Variants in BCL2L1 observed in about 807,000 individuals in gnomAD.
The protein encoded by BCL2L1 is BCL2 like 1.
BCL2L1 carries 1 observed loss-of-function variant against 18.7 expected under a neutral mutation model. The ratio of observed to expected loss-of-function variants is 0.05; its 90% CI spans 0.02 to 0.25. BCL2L1 has a LOEUF of 0.25. BCL2L1 is among the 10% of genes least tolerant of loss of function. The pLI is 1.00. For synonymous variants in BCL2L1, 103 were observed against 122.7 expected (o/e 0.84, Z 1.06); for missense variants, 207 against 304.9 (o/e 0.68, Z 2.39).
At chr20:31,674,896 G>A (rs940881265) in intron 2 of BCL2L1, among the ~76,000 whole-genome samples, 2 of 151,216 alleles carry the variant, frequency 1.3e-5, no homozygotes, top group Non-Finnish European at 2.9e-5. Flanking sequence ...AAAAAAAAGG[G>A]AAGCCATTTT....
intron 2 of BCL2L1, among the ~76,000 whole-genome samples, chr20:31,700,914 C>T (rs531967179): frequency 2.6e-5 from 4 of 152,202 alleles, no homozygotes; most frequent in African/African-American, 7.2e-5. Flanking sequence ...CTAGGCTCCT[C>T]CCTGCTGGAC....
intron 2 of BCL2L1, among the ~76,000 whole-genome samples, chr20:31,709,326 T>C (rs764972032): frequency 1.3e-5 from 2 of 152,130 alleles, no homozygotes; most frequent in Non-Finnish European, 2.9e-5. Context: ...CGTGTGTGTG[T>C]GTGCGCGCGT....
At chr20:31,718,776 C>T (rs933164154) in intron 2 of BCL2L1, among the ~76,000 whole-genome samples, 1 of 152,236 alleles carries the variant, frequency 6.6e-6, no homozygotes, top group Admixed American at 6.5e-5. Flanking sequence ...TACCAACACG[C>T]CTCTGGGAAC....
At chr20:31,699,561 C>G (rs1164202238) in intron 2 of BCL2L1, among the ~76,000 whole-genome samples, 1 of 152,186 alleles carries the variant, frequency 6.6e-6, no homozygotes, top group Non-Finnish European at 1.5e-5. Flanking sequence ...ACCCTCAAAC[C>G]AAGATGCTTC....
chr20:31,670,797 G>A (rs1182504320), intron 2 of BCL2L1, among the ~76,000 whole-genome samples: 1 of 152,162 alleles, frequency 6.6e-6, no homozygotes, highest in Admixed American at 6.5e-5. Flanking sequence ...AGAGGCGGTG[G>A]CGTGGGTATA....
Position 31,665,656 on chromosome 20 carries a change from G to T in BCL2L1, c.*293C>A, listed in dbSNP as rs1441336995. ...GGTAAGGGTTGCACCAATCAGGTAGGGCCCTCCTGCCCCCAGCCACAAACC... is the reference window on the plus strand; with the variant it reads ...GGTAAGGGTTGCACCAATCAGGTAGTGCCCTCCTGCCCCCAGCCACAAACC... On this transcript the variant is annotated 3_prime_UTR_variant, in exon 3 of 3. Coordinates refer to ENST00000307677, the MANE Select transcript of BCL2L1 (RefSeq NM_138578.3). 2.2e-6 allele frequency: 1 copy of T among 464,632 alleles called. No homozygotes were observed. Among genetic ancestry groups the T allele is most frequent in the Non-Finnish European group, 3.9e-6 (1 of 258,534 alleles). The allele number at this position is 464,632 out of a possible 1,614,324, so 28.8% of individuals were successfully genotyped here. A position where few individuals can be genotyped will look rare whatever the true frequency, so the allele number is the denominator to read the frequency against.
chr20:31,705,269 A>G (rs2061353929), intron 2 of BCL2L1, among the ~76,000 whole-genome samples: 1 of 152,232 alleles, frequency 6.6e-6, no homozygotes, highest in Non-Finnish European at 1.5e-5. Flanking sequence ...TCATTGTTAA[A>G]TATTACTAAA....
chr20:31,666,193 G>T, intron 2 of BCL2L1, 107 bp from the exon 3 acceptor site: 1 of 1,415,280 alleles, frequency 7.1e-7, no homozygotes, highest in Non-Finnish European at 9.7e-7. Context: ...GTGAAAAACT[G>T]TAGCCATCTG....
At chr20:31,668,854 C>T (rs2060625973) in intron 2 of BCL2L1, among the ~76,000 whole-genome samples, 2 of 151,712 alleles carry the variant, frequency 1.3e-5, no homozygotes, top group Non-Finnish European at 2.9e-5. Context: ...ATCTGCTCAC[C>T]TCGGCCTCCC....
intron 2 of BCL2L1, among the ~76,000 whole-genome samples, chr20:31,669,124 T>C (rs2060629695): frequency 6.6e-6 from 1 of 152,220 alleles, no homozygotes; most frequent in Middle Eastern, 3.4e-3. Context: ...GGCGCAATCA[T>C]GGCTCACTGC....
At chr20:31,697,093 G>A (rs1170735150) in intron 2 of BCL2L1, among the ~76,000 whole-genome samples, 5 of 150,686 alleles carry the variant, frequency 3.3e-5, no homozygotes, top group African/African-American at 1.2e-4. Context: ...ATGATGGCAT[G>A]TGCCTATATT....
chr20:31,690,399 ACTTATT>A (rs2061042909), intron 2 of BCL2L1, among the ~76,000 whole-genome samples: 1 of 152,038 alleles, frequency 6.6e-6, no homozygotes, highest in Non-Finnish European at 1.5e-5. Flanking sequence ...CCAATTTTAA[ACTTATT>A]CTTATGATAA....
chr20:31,693,739 T>C (rs895745270), intron 2 of BCL2L1, among the ~76,000 whole-genome samples: 1 of 152,094 alleles, frequency 6.6e-6, no homozygotes, highest in Non-Finnish European at 1.5e-5. Flanking sequence ...TCTCACTATG[T>C]TGCCCAGGCT....
At chr20:31,673,490 A>T (rs886383801) in intron 2 of BCL2L1, among the ~76,000 whole-genome samples, 10 of 92,854 alleles carry the variant, frequency 1.1e-4, no homozygotes, top group East Asian at 2.1e-4. Flanking sequence ...CAAAAAAATT[A>T]AAAAAAAAAA....
intron 2 of BCL2L1, chr20:31,720,968 T>TG (rs1275706510): frequency 2.0e-6 from 2 of 985,230 alleles, no homozygotes; most frequent in Non-Finnish European, 2.4e-6. Context: ...ACACAGCAAG[T>TG]GCTCCACAAA....
chr20:31,704,551 A>C (rs893491518), intron 2 of BCL2L1, among the ~76,000 whole-genome samples: 6 of 152,296 alleles, frequency 3.9e-5, no homozygotes, highest in African/African-American at 1.4e-4. Flanking sequence ...GAGTGACTGA[A>C]GAGCTTAGAG....
chr20:31,672,751 C>A (rs1261952753), intron 2 of BCL2L1, among the ~76,000 whole-genome samples: 1 of 152,186 alleles, frequency 6.6e-6, no homozygotes, highest in Non-Finnish European at 1.5e-5. Flanking sequence ...GGCATGATGC[C>A]CTGAGGAAAG....
intron 2 of BCL2L1, among the ~76,000 whole-genome samples, chr20:31,687,666 G>T (rs2060983295): frequency 7.9e-6 from 1 of 126,536 alleles, no homozygotes; most frequent in Admixed American, 8.6e-5. Flanking sequence ...GACAGAAAGA[G>T]ACTCTGTCTC....
chr20:31,717,985 T>C (rs574589795), intron 2 of BCL2L1, among the ~76,000 whole-genome samples: 1 of 152,332 alleles, frequency 6.6e-6, no homozygotes, highest in East Asian at 1.9e-4. Context: ...CACAGGGACT[T>C]TGTTTCTCAA....
Sources: gnomAD v4.1 joint callset for allele counts (sites outside exome capture counted in the v4.1 genomes callset) on GRCh38, gnomAD v4.1.1 for gene constraint, MANE v1.5 for transcripts, NCBI Gene and HGNC (gene_info 2026-07-23, HGNC 2026-07-21) for gene names.